CNTNAP2: variants seen among roughly 807,000 people sequenced by gnomAD.
The protein encoded by CNTNAP2 is contactin associated protein 2.
Under a neutral mutation model 155.2 loss-of-function variants are expected in CNTNAP2, and 98 were observed. The ratio of observed to expected loss-of-function variants is 0.63; its 90% CI spans 0.54 to 0.75. The LOEUF (loss-of-function observed/expected upper bound fraction) is 0.75, where lower values mean the gene tolerates loss of function less well. Ranked by LOEUF, CNTNAP2 falls within the 30% of genes least tolerant of loss-of-function variation. The pLI is 0.00. For synonymous variants in CNTNAP2, 651 were observed against 631.2 expected (o/e 1.03, Z -0.47); for missense variants, 1,727 against 1,688.1 (o/e 1.02, Z -0.40).
chr7:146,411,315 T>G (rs1795861752), intron 1 of CNTNAP2, among the ~76,000 whole-genome samples: 1 of 151,864 alleles, frequency 6.6e-6, no homozygotes, highest in South Asian at 2.1e-4. Flanking sequence ...CAGCCACCAC[T>G]CCTGACTAAT....
chr7:146,527,782 C>T (rs1797712920), intron 1 of CNTNAP2, among the ~76,000 whole-genome samples: 1 of 150,720 alleles, frequency 6.6e-6, no homozygotes, highest in South Asian at 2.1e-4. Flanking sequence ...TGCTGGGATG[C>T]TTGAACAAAA....
intron 21 of CNTNAP2, among the ~76,000 whole-genome samples, chr7:148,341,814 A>G (rs1798241201): frequency 6.6e-6 from 1 of 152,196 alleles, no homozygotes; most frequent in African/African-American, 2.4e-5. Flanking sequence ...ACCTTCATAC[A>G]CTGCCAATAA....
intron 13 of CNTNAP2, among the ~76,000 whole-genome samples, chr7:147,727,140 G>A (rs1393166523): frequency 6.6e-6 from 1 of 151,812 alleles, no homozygotes; most frequent in Admixed American, 6.6e-5. Context: ...AAGACAGATA[G>A]CATCCTGAGT....
chr7:147,101,432 T>C (rs1800650287), intron 4 of CNTNAP2, among the ~76,000 whole-genome samples: 1 of 152,106 alleles, frequency 6.6e-6, no homozygotes, highest in South Asian at 2.1e-4. Flanking sequence ...CACGGCAGTG[T>C]CTAGGGGTGT....
intron 3 of CNTNAP2, among the ~76,000 whole-genome samples, chr7:146,980,647 G>A (rs1218383897): frequency 1.3e-5 from 2 of 152,146 alleles, no homozygotes; most frequent in Non-Finnish European, 2.9e-5. Context: ...GATGTGTCAC[G>A]TGGCAAGAGA....
chr7:147,662,990 T>G (rs1213792110), intron 13 of CNTNAP2, among the ~76,000 whole-genome samples: 3 of 137,638 alleles, frequency 2.2e-5, no homozygotes, highest in Non-Finnish European at 1.5e-5. Flanking sequence ...GTTTCTGGTT[T>G]GTTTGTTTGT....
intron 1 of CNTNAP2, among the ~76,000 whole-genome samples, chr7:146,550,715 A>C (rs13239605): frequency 0.37 from 56,237 of 151,814 alleles, 11,818 homozygotes; most frequent in South Asian, 0.5. Flanking sequence ...TTATTTAAGA[A>C]CTTATTCCTC....
chr7:148,413,630 T>C (rs1799907029), intron 23 of CNTNAP2, among the ~76,000 whole-genome samples: 1 of 151,680 alleles, frequency 6.6e-6, no homozygotes, highest in South Asian at 2.1e-4. Flanking sequence ...TTTGCTGATT[T>C]TCTGTTCAAT....
intron 11 of CNTNAP2, among the ~76,000 whole-genome samples, chr7:147,498,773 A>G (rs1919190): frequency 6.6e-6 from 1 of 152,048 alleles, no homozygotes; most frequent in Non-Finnish European, 1.5e-5. Context: ...ATTTCAGTTC[A>G]CATTCAAAGT....
chr7:148,101,385 G>A (rs1804096697), intron 15 of CNTNAP2, among the ~76,000 whole-genome samples: 1 of 142,956 alleles, frequency 7.0e-6, no homozygotes, highest in Admixed American at 7.2e-5. Flanking sequence ...GTGTGTGTGT[G>A]TGTGTGTGGT....
chr7:147,782,780 G>A (rs895871856), intron 13 of CNTNAP2, among the ~76,000 whole-genome samples: 8 of 152,014 alleles, frequency 5.3e-5, no homozygotes, highest in Non-Finnish European at 7.4e-5. Context: ...TGCTCCACCC[G>A]CTAATTTTAC....
intron 18 of CNTNAP2, among the ~76,000 whole-genome samples, chr7:148,206,112 T>C (rs963829056): frequency 1.3e-5 from 2 of 151,278 alleles, no homozygotes; most frequent in African/African-American, 4.8e-5. Context: ...TTCATATATA[T>C]ATTTTTTTAT....
chr7:146,794,509 A>G (rs139981509), intron 2 of CNTNAP2, among the ~76,000 whole-genome samples: 64 of 152,310 alleles, frequency 4.2e-4, no homozygotes, highest in African/African-American at 1.5e-3. Flanking sequence ...ACATGACCCT[A>G]AAGGATATCA....
At chr7:146,787,776 AC>A (rs1802601843) in intron 2 of CNTNAP2, among the ~76,000 whole-genome samples, 6 of 152,140 alleles carry the variant, frequency 3.9e-5, no homozygotes, top group Admixed American at 3.9e-4. Flanking sequence ...GTCCGTTTTG[AC>A]AGAGTGCTGA....
At chr7:146,574,409 A>G (rs551785392) in intron 1 of CNTNAP2, among the ~76,000 whole-genome samples, 2 of 152,284 alleles carry the variant, frequency 1.3e-5, no homozygotes, top group Admixed American at 6.5e-5. Flanking sequence ...GTTCATACAT[A>G]CAAAACAATT....
At chr7:148,351,118 G>A (rs772612262) in intron 21 of CNTNAP2, among the ~76,000 whole-genome samples, 25 of 152,134 alleles carry the variant, frequency 1.6e-4, no homozygotes, top group Non-Finnish European at 3.2e-4. Context: ...AGTTTAATAC[G>A]TGATAAGTTG....
chr7:148,399,437 C>T (rs933449172), intron 22 of CNTNAP2, among the ~76,000 whole-genome samples: 34 of 152,100 alleles, frequency 2.2e-4, no homozygotes, highest in African/African-American at 7.2e-4. Flanking sequence ...TTTTAAAATG[C>T]ATCTGTTCTC....
chr7:146,586,613 T>A (rs1798696132), intron 1 of CNTNAP2, among the ~76,000 whole-genome samples: 1 of 152,052 alleles, frequency 6.6e-6, no homozygotes, highest in African/African-American at 2.4e-5. Context: ...TGTATATTAA[T>A]CACACACACA....
At chr7:147,220,293 TCTTG>T (rs1803365703) in intron 8 of CNTNAP2, among the ~76,000 whole-genome samples, 1 of 152,240 alleles carries the variant, frequency 6.6e-6, no homozygotes, top group African/African-American at 2.4e-5. Context: ...GTATAGCTAC[TCTTG>T]CTTTCTTTTG....
Sources: gnomAD v4.1 joint callset for allele counts (sites outside exome capture counted in the v4.1 genomes callset) on GRCh38, gnomAD v4.1.1 for gene constraint, MANE v1.5 for transcripts, NCBI Gene and HGNC (gene_info 2026-07-23, HGNC 2026-07-21) for gene names.